The following CNTNAP5 variants were observed in gnomAD, a reference collection of about 807,000 sequenced individuals.
The protein encoded by CNTNAP5 is contactin associated protein family member 5, also known as contactin-associated protein-like 5.
In CNTNAP5, 72 loss-of-function variants were observed where a neutral mutation model predicts 150.2. The observed-to-expected ratio is 0.48, with a 90% CI of 0.40 to 0.58. CNTNAP5 has a LOEUF of 0.58. Ranked by LOEUF, CNTNAP5 falls within the 20% of genes least tolerant of loss-of-function variation. The pLI, the probability that CNTNAP5 is intolerant of heterozygous loss-of-function variation, is 0.00. For synonymous variants in CNTNAP5, 672 were observed against 619.8 expected, an observed-to-expected ratio of 1.08 and a Z score of -1.25; for missense variants, 1,636 against 1,626.2, an observed-to-expected ratio of 1.01 and a Z score of -0.10.
intron 11 of CNTNAP5, among the ~76,000 whole-genome samples, chr2:124,604,761 A>T (rs1697063833): frequency 6.6e-6 from 1 of 152,152 alleles, no homozygotes; most frequent in Non-Finnish European, 1.5e-5. Context: ...GCCCTCAGAG[A>T]TCTCCCAGTT....
intron 11 of CNTNAP5, among the ~76,000 whole-genome samples, chr2:124,594,061 G>A (rs1233758849): frequency 8.7e-5 from 10 of 114,646 alleles, no homozygotes; most frequent in African/African-American, 1.3e-4. Flanking sequence ...AGTAGGTTGC[G>A]AAAATTTTCT....
intron 3 of CNTNAP5, among the ~76,000 whole-genome samples, chr2:124,388,060 T>A (rs554266534): frequency 6.6e-6 from 1 of 152,252 alleles, no homozygotes; most frequent in African/African-American, 2.4e-5. Context: ...TAGGAAGAGA[T>A]TACACTTTAT....
chr2:124,640,385 A>C (rs968179065), intron 12 of CNTNAP5, among the ~76,000 whole-genome samples: 1 of 152,202 alleles, frequency 6.6e-6, no homozygotes, highest in East Asian at 1.9e-4. Context: ...GGTGGAAGGC[A>C]GTAATGGACG....
chr2:124,311,575 T>C (rs557060272), intron 3 of CNTNAP5, among the ~76,000 whole-genome samples: 4 of 152,318 alleles, frequency 2.6e-5, no homozygotes, highest in African/African-American at 9.6e-5. Context: ...TATGTTCACA[T>C]TGGGGGCTAA....
At chr2:124,349,950 T>C (rs1689837079) in intron 3 of CNTNAP5, among the ~76,000 whole-genome samples, 1 of 134,254 alleles carries the variant, frequency 7.4e-6, no homozygotes, top group African/African-American at 2.8e-5. Context: ...AACGGCGCGA[T>C]CTTGGCTCAC....
At chr2:124,664,755 T>A (rs767980588) in intron 13 of CNTNAP5, among the ~76,000 whole-genome samples, 1 of 152,202 alleles carries the variant, frequency 6.6e-6, no homozygotes, top group African/African-American at 2.4e-5. Flanking sequence ...GGCGCAATCT[T>A]GTCTCACTGC....
At chr2:124,304,024 C>T (rs926044874) in intron 3 of CNTNAP5, among the ~76,000 whole-genome samples, 11 of 152,170 alleles carry the variant, frequency 7.2e-5, no homozygotes, top group Non-Finnish European at 1.3e-4. Context: ...GAGTGAGACC[C>T]TGTCTCAAAA....
At chr2:124,091,832 C>T (rs1295196313) in intron 1 of CNTNAP5, among the ~76,000 whole-genome samples, 5 of 152,144 alleles carry the variant, frequency 3.3e-5, no homozygotes, top group African/African-American at 9.7e-5. Flanking sequence ...TAGGAGCTGT[C>T]GGTGCCTGTG....
At position 124,546,020 on chromosome 2, in the gene CNTNAP5, C is replaced by G. The variant is rs188867590; in HGVS notation, c.1650-17197C>G. 1.4e-3 allele frequency among the ~76,000 whole-genome samples: 219 copies of G among 152,238 alleles called. 2 individuals are homozygous for G. The highest frequency in any genetic ancestry group is 2.6e-4 in the Non-Finnish European group (18 of 68,020). ...AATTCATAAAAATCCATTAAAAGCT[C>G]TTTTAATGCAGTTGTTTGGACCCTA... On this transcript the variant is annotated intron_variant, in intron 10 of 23. Coordinates refer to ENST00000682447, the MANE Select transcript of CNTNAP5 (RefSeq NM_001367498.1).
chr2:124,382,655 G>A (rs1468182861), intron 3 of CNTNAP5, among the ~76,000 whole-genome samples: 2 of 152,088 alleles, frequency 1.3e-5, no homozygotes, highest in Admixed American at 1.3e-4. Context: ...TTGGGATAAT[G>A]ACACCTACTA....
intron 10 of CNTNAP5, among the ~76,000 whole-genome samples, chr2:124,549,733 C>G (rs1282511218): frequency 2.0e-5 from 3 of 152,058 alleles, no homozygotes; most frequent in Non-Finnish European, 4.4e-5. Context: ...TTTTTTTCTT[C>G]AAATTTGAGA....
chr2:124,656,444 A>C (rs953242436), intron 13 of CNTNAP5, among the ~76,000 whole-genome samples: 15 of 152,244 alleles, frequency 9.9e-5, no homozygotes, highest in African/African-American at 3.6e-4. Flanking sequence ...ACATGAATCA[A>C]GCCAGTGCAA....
At chr2:124,458,887 A>G (rs1362449509) in intron 6 of CNTNAP5, among the ~76,000 whole-genome samples, 1 of 152,232 alleles carries the variant, frequency 6.6e-6, no homozygotes, top group African/African-American at 2.4e-5. Context: ...TTCAACTTAT[A>G]TTGTAAAGAC....
intron 13 of CNTNAP5, among the ~76,000 whole-genome samples, chr2:124,727,525 C>T (rs1680183070): frequency 6.6e-6 from 1 of 151,952 alleles, no homozygotes; most frequent in Admixed American, 6.6e-5. Flanking sequence ...GTGTACAGGT[C>T]TTACGCTTCC....
Position 124,286,693 on chromosome 2 carries a change from G to A in CNTNAP5, c.381+44300G>A, listed in dbSNP as rs371495549. 3.9e-5 allele frequency among the ~76,000 whole-genome samples: 6 copies of A among 152,194 alleles called. No homozygotes were observed. In the East Asian group the frequency reaches 7.7e-4, roughly 20 times the overall value. On this transcript the variant is annotated intron_variant, in intron 3 of 23. Transcript: ENST00000682447. The stretch of plus-strand genomic sequence containing the variant: ...TACAGACCAAGACATTGCTGGCAAG[G>A]CCCCAGAATCTCCCCATTTTCTCTG...
At chr2:124,071,254 A>G (rs1005922921) in intron 1 of CNTNAP5, among the ~76,000 whole-genome samples, 4 of 151,868 alleles carry the variant, frequency 2.6e-5, no homozygotes, top group African/African-American at 9.7e-5. Flanking sequence ...TAAAAAAAAT[A>G]AGGGAAGCTT....
chr2:124,521,534 C>T (rs1694846096), intron 8 of CNTNAP5, among the ~76,000 whole-genome samples: 1 of 152,158 alleles, frequency 6.6e-6, no homozygotes, highest in African/African-American at 2.4e-5. Flanking sequence ...CCTCTCCCCT[C>T]AGGCCAGTGC....
In CNTNAP5 at chr2:124,271,465, C is replaced by T. The variant is rs6744524; in HGVS notation, c.381+29072C>T. Among the ~76,000 whole-genome samples, 330 of 151,996 alleles carry T rather than the reference C, an allele frequency of 2.2e-3. 3 individuals are homozygous for T. The highest frequency in any genetic ancestry group is 7.7e-3 in the African/African-American group (319 of 41,464). ...AGAGAAAAAGGTGGCCTCTGGGTAA[C>T]GATGTAACAGGATGAATGTGTGGTT... is the stretch of plus-strand genomic sequence containing the variant. On this transcript the variant is annotated intron_variant, in intron 3 of 23. Transcript: ENST00000682447.
At chr2:124,298,777 G>T (rs755030821) in intron 3 of CNTNAP5, among the ~76,000 whole-genome samples, 9 of 152,074 alleles carry the variant, frequency 5.9e-5, no homozygotes, top group Non-Finnish European at 1.3e-4. Flanking sequence ...CAAGACCCAG[G>T]GATGGCCTAG....
Sources: allele counts gnomAD v4.1 joint callset (sites outside exome capture counted in the v4.1 genomes callset), GRCh38; gene constraint gnomAD v4.1.1; transcripts MANE v1.5; gene names NCBI Gene and HGNC (gene_info 2026-07-23, HGNC 2026-07-21).